Variants in LHPP observed in about 807,000 individuals in gnomAD.
The protein encoded by LHPP is phospholysine phosphohistidine inorganic pyrophosphate phosphatase.
LHPP carries 24 observed loss-of-function variants against 30.3 expected under a neutral mutation model. The ratio of observed to expected loss-of-function variants is 0.79; its 90% confidence interval spans 0.57 to 1.11. The LOEUF is 1.11. Among genes scored for constraint, LHPP ranks in the 50% most tolerant of loss-of-function variants. The pLI, the probability that LHPP is intolerant of heterozygous loss-of-function variation, is 0.00. For synonymous variants in LHPP, 150 were observed against 157.1 expected (o/e 0.95, Z 0.34); for missense variants, 356 against 367.2 (o/e 0.97, Z 0.25).
Position 124,541,775 on chromosome 10 carries a change from G to A in LHPP, c.716+24504G>A, listed in dbSNP as rs1284663403. Among the ~76,000 whole-genome samples the A allele has an allele frequency of 6.6e-6, 1 of 152,140 alleles. No individual in the cohort carries two copies. Among genetic ancestry groups the A allele is most frequent in the Admixed American group, 6.5e-5 (1 of 15,278 alleles). ...ACTGGGGAGGGCTCTAATGGTATTT[G>A]CACAAATTTGCAATGTTGGAGACCA... On this transcript the variant is annotated intron_variant, in intron 6 of 6. Transcript: ENST00000368842. The surrounding 1 kb of genome is among the most constrained non-coding windows in gnomAD (Gnocchi z 4.2).
chr10:124,537,004 T>G (rs1177023558), intron 6 of LHPP, among the ~76,000 whole-genome samples: 1 of 152,110 alleles, frequency 6.6e-6, no homozygotes, highest in Non-Finnish European at 1.5e-5. Context: ...ATAATAAAAG[T>G]AACAGCCATC....
At chr10:124,465,372 G>C (rs997110027) in intron 1 of LHPP, among the ~76,000 whole-genome samples, 1 of 152,148 alleles carries the variant, frequency 6.6e-6, no homozygotes, top group Non-Finnish European at 1.5e-5. Flanking sequence ...GAAGACTCTA[G>C]ATAGGCATAT....
chr10:124,483,646 G>T (rs2133846409), intron 1 of LHPP, among the ~76,000 whole-genome samples: 1 of 152,226 alleles, frequency 6.6e-6, no homozygotes, highest in East Asian at 1.9e-4. Flanking sequence ...AATCCCAGCT[G>T]CTCTGGAGGC....
intron 1 of LHPP, among the ~76,000 whole-genome samples, chr10:124,472,264 G>C (rs1372074433): frequency 6.6e-6 from 1 of 152,180 alleles, no homozygotes; most frequent in Non-Finnish European, 1.5e-5. Flanking sequence ...GGTGAGCCAA[G>C]ATTGTGCTAC....
Position 124,610,818 on chromosome 10 carries a change from CGGGTGAGGGTGA to C in LHPP, c.717-2428_717-2417del, listed in dbSNP as rs879091182. ...GGTGCGGGTGAGGGTGCTGATGGAGCGGGTGAGGGTGAGGGTGAGGGTGAGGGTGTTGACGGA... is the reference window on the plus strand; with the variant it reads ...GGTGCGGGTGAGGGTGCTGATGGAGCGGGTGAGGGTGAGGGTGTTGACGGA... On this transcript the variant is annotated intron_variant, in intron 6 of 6. Coordinates refer to ENST00000368842, the MANE Select transcript of LHPP (RefSeq NM_022126.4). Among the ~76,000 whole-genome samples the C allele has an allele frequency of 6.0e-3, 40 of 6,714 alleles. 2 individuals are homozygous for C. Among genetic ancestry groups the C allele is most frequent in the East Asian group, 0.022 (2 of 90 alleles). 4.4% of individuals were successfully genotyped at this position (6,714 alleles called of 152,430 possible). A position where few individuals can be genotyped will look rare whatever the true frequency, so the allele number is the denominator to read the frequency against.
At chr10:124,513,438 TTTTTTTCTTTAAAATTATTATTAC>T in intron 5 of LHPP, among the ~76,000 whole-genome samples, 1 of 142,940 alleles carries the variant, frequency 7.0e-6, no homozygotes, top group African/African-American at 2.9e-5. Context: ...ATTATTACTT[TTTTTTTCTTTAAAATTATTATTAC>T]TTTTTTTTTT....
At chr10:124,550,411 G>A (rs773825692) in intron 6 of LHPP, among the ~76,000 whole-genome samples, 5 of 152,180 alleles carry the variant, frequency 3.3e-5, no homozygotes, top group Non-Finnish European at 7.3e-5. Flanking sequence ...CCTCCTTTGC[G>A]CCCACGCTGC....
intron 3 of LHPP, among the ~76,000 whole-genome samples, chr10:124,493,108 A>G: frequency 1.1e-5 from 1 of 89,692 alleles, no homozygotes; most frequent in South Asian, 4.2e-4. Flanking sequence ...GAACAGGTAT[A>G]TTGTTGAAAA....
At chr10:124,610,321 TGCGGGTGAGGGTGCTGATGGA>T (rs1949156178) in intron 6 of LHPP, among the ~76,000 whole-genome samples, 1 of 130,382 alleles carries the variant, frequency 7.7e-6, no homozygotes, top group Non-Finnish European at 1.6e-5. Flanking sequence ...CGGGTGTGGG[TGCGGGTGAGGGTGCTGATGGA>T]GCGGGTGAGG....
At chr10:124,550,501 G>A in intron 6 of LHPP, among the ~76,000 whole-genome samples, 1 of 152,248 alleles carries the variant, frequency 6.6e-6, no homozygotes, top group East Asian at 1.9e-4. Flanking sequence ...ACGTGTGGGT[G>A]GGGGAGGGTG....
intron 6 of LHPP, among the ~76,000 whole-genome samples, chr10:124,537,540 C>T (rs375378616): frequency 7.9e-5 from 12 of 152,240 alleles, no homozygotes; most frequent in African/African-American, 2.7e-4. Flanking sequence ...CAGCAGACAC[C>T]ATGAGCCCCA....
intron 5 of LHPP, chr10:124,498,705 C>T (rs571017120): frequency 2.4e-4 from 110 of 465,744 alleles, no homozygotes; most frequent in South Asian, 1.7e-3. Flanking sequence ...CCATTTGTCA[C>T]CCTGGCTAGA....
intron 4 of LHPP, among the ~76,000 whole-genome samples, chr10:124,497,265 TCCTCCCC>T (rs1564789667): frequency 1.1e-5 from 1 of 94,182 alleles, no homozygotes; most frequent in African/African-American, 4.1e-5. Context: ...ATCCTCCCCA[TCCTCCCC>T]ATCCTCCCCA....
intron 6 of LHPP, among the ~76,000 whole-genome samples, chr10:124,572,295 C>T (rs988200958): frequency 3.9e-5 from 6 of 152,166 alleles, no homozygotes; most frequent in East Asian, 1.9e-4. Context: ...GGAGTGGTGG[C>T]GGTCACTGGC....
chr10:124,512,652 T>C (rs1401164291), intron 5 of LHPP, among the ~76,000 whole-genome samples: 1 of 149,244 alleles, frequency 6.7e-6, no homozygotes, highest in Admixed American at 6.7e-5. Flanking sequence ...TTAGGTAATG[T>C]ATTATGTCCT....
chr10:124,528,212 C>T (rs550381191), intron 6 of LHPP, among the ~76,000 whole-genome samples: 1 of 152,294 alleles, frequency 6.6e-6, no homozygotes, highest in South Asian at 2.1e-4. Flanking sequence ...CCTAACGGTT[C>T]CCATTTGGTC....
At chr10:124,572,739 A>G in intron 6 of LHPP, among the ~76,000 whole-genome samples, 1 of 126,922 alleles carries the variant, frequency 7.9e-6, no homozygotes, top group Non-Finnish European at 1.6e-5. Context: ...GGAGGGAGGA[A>G]GAGGGGAGGT....
rs958683212 is a variant in LHPP at position 124,523,242 on chromosome 10, C to G, written c.716+5971C>G. 6.6e-6 allele frequency among the ~76,000 whole-genome samples: 1 copy of G among 152,234 alleles called. No individual in the cohort carries two copies. The highest frequency in any genetic ancestry group is 1.5e-5 in the Non-Finnish European group (1 of 68,042). On this transcript the variant is annotated intron_variant, in intron 6 of 6. Coordinates refer to ENST00000368842, the MANE Select transcript of LHPP (RefSeq NM_022126.4). The surrounding 1 kb of genome is among the most constrained non-coding windows in gnomAD (Gnocchi z 4.2). ...TTCGGAGAGGGAAAGTTTCCTGGAC[C>G]GTGATTCCCGACATCCTGCAAGGTC... is the stretch of plus-strand genomic sequence containing the variant.
intron 6 of LHPP, among the ~76,000 whole-genome samples, chr10:124,542,601 G>T (rs980870818): frequency 2.6e-5 from 4 of 152,162 alleles, no homozygotes; most frequent in Non-Finnish European, 5.9e-5. Context: ...AGAGGGGCAG[G>T]CTGGTACCAG....
Sources: gnomAD v4.1 joint callset for allele counts (sites outside exome capture counted in the v4.1 genomes callset) on GRCh38, gnomAD v4.1.1 for gene constraint, Gnocchi (gnomAD v3.1) non-coding constraint, MANE v1.5 for transcripts, NCBI Gene and HGNC (gene_info 2026-07-23, HGNC 2026-07-21) for gene names.